Variants in ZSCAN25 observed in about 807,000 individuals in gnomAD.
The protein encoded by ZSCAN25 is zinc finger and SCAN domain containing 25.
ZSCAN25 carries 27 observed loss-of-function variants against 38.7 expected under a neutral mutation model. The ratio of observed to expected loss-of-function variants is 0.70; its 90% confidence interval spans 0.51 to 0.96. The LOEUF is 0.96. ZSCAN25 is among the 40% of genes least tolerant of loss of function. The pLI is 0.00. For missense variants in ZSCAN25, 637 were observed against 705.9 expected (o/e 0.90, Z 1.11); for synonymous variants, 273 against 277.7 (o/e 0.98, Z 0.17).
chr7:99,667,051 C>T, the ZSCAN25 span: 2 of 1,614,026 alleles, frequency 1.2e-6, no homozygotes, highest in Non-Finnish European at 8.5e-7. Context: ...TCATAAATCC[C>T]ACTGGGCCTA....
chr7:99,729,085 C>T, the ZSCAN25 span, among the ~76,000 whole-genome samples: 2 of 152,136 alleles, frequency 1.3e-5, no homozygotes, highest in African/African-American at 4.8e-5. Context: ...ACCAGCCAGG[C>T]AAATACTTAT....
At chr7:99,634,256 G>A (rs1003060181), downstream of ZSCAN25, among the ~76,000 whole-genome samples, 8 of 152,260 alleles carry the variant, frequency 5.3e-5, no homozygotes, top group African/African-American at 1.9e-4. Context: ...CCATGTCATA[G>A]TGTGTGCTAT....
the ZSCAN25 span, chr7:99,714,739 C>A: frequency 6.3e-7 from 1 of 1,591,406 alleles, no homozygotes; most frequent in South Asian, 1.1e-5. Flanking sequence ...CAAAATTTAC[C>A]TGGAGCAATT....
chr7:99,726,352 T>C, the ZSCAN25 span, among the ~76,000 whole-genome samples: 1 of 152,188 alleles, frequency 6.6e-6, no homozygotes, highest in Admixed American at 6.5e-5. Context: ...TCCTTATAAT[T>C]CCCCCATCTT....
the ZSCAN25 span, chr7:99,679,819 T>C: frequency 1.1e-5 from 17 of 1,613,658 alleles, no homozygotes; most frequent in Non-Finnish European, 1.4e-5. Context: ...TTTGGACAGT[T>C]ACTCACAGAT....
Position 99,630,063 on chromosome 7 carries a change from T to C in ZSCAN25, c.*43T>C. On this transcript the variant is annotated 3_prime_UTR_variant, in exon 8 of 8. Coordinates refer to ENST00000394152, the MANE Select transcript of ZSCAN25 (RefSeq NM_145115.3). ...CAGCACCATCATTCATCTTTCTCAC[T>C]GCAGGGCCTTGCGGGGTGCAAGGTG... is the stretch of plus-strand genomic sequence containing the variant. The C allele has an allele frequency of 6.8e-7, 1 of 1,474,006 alleles. No individual in the cohort carries two copies. Among genetic ancestry groups the C allele is most frequent in the Non-Finnish European group, 9.0e-7 (1 of 1,111,386 alleles). 91.3% of individuals were successfully genotyped at this position (1,474,006 alleles called of 1,614,324 possible). A position where few individuals can be genotyped will look rare whatever the true frequency, so the allele number is the denominator to read the frequency against.
chr7:99,722,542 T>C, the ZSCAN25 span, among the ~76,000 whole-genome samples: 1 of 152,190 alleles, frequency 6.6e-6, no homozygotes, highest in African/African-American at 2.4e-5. Context: ...AAAATCACTC[T>C]TGAATTTTCT....
At chr7:99,623,778 T>C (rs573253732) in intron 6 of ZSCAN25, among the ~76,000 whole-genome samples, 1 of 152,330 alleles carries the variant, frequency 6.6e-6, no homozygotes, top group Non-Finnish European at 1.5e-5. Flanking sequence ...GAATGTGAAC[T>C]TTGTTCTTGA....
the ZSCAN25 span, among the ~76,000 whole-genome samples, chr7:99,733,953 CA>C: frequency 3.9e-5 from 6 of 152,198 alleles, no homozygotes; most frequent in Non-Finnish European, 7.3e-5. Flanking sequence ...ACATTAGACT[CA>C]TATTCCTGAC....
chr7:99,707,500 A>C, the ZSCAN25 span, among the ~76,000 whole-genome samples: 5 of 152,208 alleles, frequency 3.3e-5, no homozygotes, highest in African/African-American at 1.2e-4. Flanking sequence ...AGTGCACCTC[A>C]TGATTGTGCA....
chr7:99,638,163 AAG>A, the ZSCAN25 span: 2 of 1,296,266 alleles, frequency 1.5e-6, no homozygotes, highest in Non-Finnish European at 2.1e-6. Flanking sequence ...TGGCAATTGA[AAG>A]AGGAGATGGT....
the ZSCAN25 span, chr7:99,650,288 C>T: frequency 6.4e-7 from 1 of 1,553,728 alleles, no homozygotes; most frequent in Non-Finnish European, 8.9e-7. Context: ...CACAGAGTTA[C>T]ATGTTAGGGG....
chr7:99,675,213 C>G, the ZSCAN25 span, among the ~76,000 whole-genome samples: 9 of 152,120 alleles, frequency 5.9e-5, no homozygotes, highest in Non-Finnish European at 1.5e-5. Context: ...CACATCACAC[C>G]CAGCAAATTA....
intron 7 of ZSCAN25, among the ~76,000 whole-genome samples, chr7:99,627,022 T>C (rs1807530862): frequency 6.6e-6 from 1 of 152,208 alleles, no homozygotes; most frequent in Admixed American, 6.5e-5. Flanking sequence ...GAACTCTTAT[T>C]ATACAAATTT....
At chr7:99,642,475 G>C in the ZSCAN25 span, among the ~76,000 whole-genome samples, 1 of 152,164 alleles carries the variant, frequency 6.6e-6, no homozygotes, top group Non-Finnish European at 1.5e-5. Context: ...GATGACTCCA[G>C]CTCCAGTCCC....
At chr7:99,718,204 A>G in the ZSCAN25 span, among the ~76,000 whole-genome samples, 1 of 152,186 alleles carries the variant, frequency 6.6e-6, no homozygotes, top group Non-Finnish European at 1.5e-5. Context: ...GCACACCAAC[A>G]TGGCACATGC....
the ZSCAN25 span, chr7:99,647,571 AAAT>A: frequency 1.0e-6 from 1 of 985,348 alleles, no homozygotes; most frequent in Non-Finnish European, 1.2e-6. Flanking sequence ...GATGTGGTAA[AAAT>A]AATAAATCAT....
At chr7:99,695,783 G>A in the ZSCAN25 span, 2 of 1,613,636 alleles carry the variant, frequency 1.2e-6, no homozygotes, top group East Asian at 2.2e-5. Flanking sequence ...AAAAAGCAGA[G>A]GTGTGGGCCC....
At chr7:99,643,557 G>A in the ZSCAN25 span, among the ~76,000 whole-genome samples, 1 of 151,886 alleles carries the variant, frequency 6.6e-6, no homozygotes, top group Non-Finnish European at 1.5e-5. Flanking sequence ...ACAGTCTTGA[G>A]GTGAGATTCT....
Sources: allele counts gnomAD v4.1 joint callset (sites outside exome capture counted in the v4.1 genomes callset), GRCh38; gene constraint gnomAD v4.1.1; transcripts MANE v1.5; gene names NCBI Gene and HGNC (gene_info 2026-07-23, HGNC 2026-07-21).